CLCN2: variants seen among roughly 807,000 people sequenced by gnomAD.
The protein encoded by CLCN2 is chloride voltage-gated channel 2, also known as chloride channel protein 2.
Under a neutral mutation model 108.3 loss-of-function variants are expected in CLCN2, and 72 were observed. The ratio of observed to expected loss-of-function variants is 0.66; its 90% CI spans 0.55 to 0.81. The LOEUF (loss-of-function observed/expected upper bound fraction) is 0.81. Among genes scored for constraint, CLCN2 ranks in the 30% least tolerant of loss-of-function variants. The probability of loss-of-function intolerance (pLI) is 0.00; values close to 1 mark genes in which losing one functional copy is unlikely to be tolerated. For missense variants in CLCN2, 1,048 were observed against 1,205.2 expected, an observed-to-expected ratio of 0.87 and a Z score of 1.93; for synonymous variants, 471 against 467.1, an observed-to-expected ratio of 1.01 and a Z score of -0.11.
In CLCN2 at chr3:184,355,512, C is replaced by A. The variant is rs766683058; in HGVS notation, c.1188G>T (p.Thr396=). 1 of 1,614,072 alleles carries A rather than the reference C, an allele frequency of 6.2e-7. No homozygotes were observed. The highest frequency in any genetic ancestry group is 8.5e-7 in the Non-Finnish European group (1 of 1,180,026). The part of the protein sequence containing the change: ...FMAGQLSQKE[T]LVTLFDNRTW... ...TCCGATTGTCAAACAGGGTGACCAG[C>A]GTCTCTTTCTGTGAGAGCTAGAGTG... Residue 396 remains threonine, a synonymous_variant, in exon 12 of 24, where the codon ACG becomes ACT. Transcript: ENST00000265593. The surrounding 1 kb of genome is among the most constrained non-coding windows in gnomAD (Gnocchi z 6.3).
At chr3:184,358,583 G>A in intron 3 of CLCN2, 99 bp downstream of exon 3, 1 of 1,489,866 alleles carries the variant, frequency 6.7e-7, no homozygotes, top group Non-Finnish European at 9.1e-7. Context: ...AGTGGTCAGT[G>A]GCCAAGAAGC....
Position 184,357,952 on chromosome 3 carries a change from C to T in CLCN2, c.615+10G>A, listed in dbSNP as rs775999868. Reference sequence around the variant, plus strand: ...AGGAGGGACTCCTTCATTCCCCAGCCTGCAGTTACCTCTTTGCCAAGCGGC... The same window carrying T: ...AGGAGGGACTCCTTCATTCCCCAGCTTGCAGTTACCTCTTTGCCAAGCGGC... On this transcript the variant is annotated intron_variant, in intron 5 of 23. Transcript: ENST00000265593. 5.0e-6 allele frequency: 8 copies of T among 1,613,858 alleles called. No individual in the cohort carries two copies. The highest frequency in any genetic ancestry group is 5.9e-6 in the Non-Finnish European group (7 of 1,180,046).
rs1370261898 is a variant in CLCN2, at chr3:184,359,039, G to C, written c.156C>G (p.Pro52=). The change falls in exon 2 of 24, where the codon CCC becomes CCG. Residue 52 remains proline, a synonymous_variant. Transcript: ENST00000265593. ...GCTCTGGGGCAGCCCGAGAGGAAGG[G>C]GGACCTTTCCAGGGTTCAGGCCCTC... ...RLGGPEPWKG[P]PSSRAAPELL... is the part of the protein sequence containing the mutation. The C allele has an allele frequency of 1.2e-6, 2 of 1,613,630 alleles. No homozygotes were observed. The highest frequency in any genetic ancestry group is 1.3e-5 in the African/African-American group (1 of 75,062).
chr3:184,347,339 C>A, intron 22 of CLCN2: 1 of 426,728 alleles, frequency 2.3e-6, no homozygotes, highest in East Asian at 5.2e-5. Context: ...CACGTGAAAT[C>A]TAGTGATTGG....
chr3:184,361,435 C>A lies in CLCN2; in HGVS notation c.45G>T (p.Leu15=), dbSNP rs1424815875. Residue 15 remains leucine, a synonymous_variant, in exon 1 of 24, where the codon CTG becomes CTT. Transcript: ENST00000265593. The surrounding 1 kb of genome is among the most constrained non-coding windows in gnomAD (Gnocchi z 6.6). ...CACTTACCAGGGTCTGCTCGTACTG[C>A]AGCGCCCGTGGCTCCATCCCTTCCT... ...AAEEGMEPRA[L]QYEQTLMYGR... is the part of the protein sequence containing the mutation. 1.2e-6 allele frequency: 2 copies of A among 1,613,414 alleles called. No homozygotes were observed. The highest frequency in any genetic ancestry group is 1.7e-5 in the Admixed American group (1 of 60,012).
At chr3:184,349,836 G>A (rs549574039) in intron 22 of CLCN2, among the ~76,000 whole-genome samples, 193 of 152,294 alleles carry the variant, frequency 1.3e-3, no homozygotes, top group African/African-American at 4.5e-3. Context: ...CAGTTGGTCT[G>A]GCCCTAGCTG....
At chr3:184,358,385 G>C in intron 3 of CLCN2, 75 bp from the exon 4 acceptor site, 1 of 1,599,284 alleles carries the variant, frequency 6.3e-7, no homozygotes, top group Non-Finnish European at 8.6e-7. Context: ...ACGCTGATAC[G>C]ACAGGCTGTC....
In CLCN2 at chr3:184,347,093, C is replaced by T. The variant is rs930804657; in HGVS notation, c.2416-72G>A. 19 of 1,328,942 alleles carry T rather than the reference C, an allele frequency of 1.4e-5. No homozygotes were observed. In the Admixed American group the frequency reaches 1.7e-4, roughly 12 times the overall value. 82.3% of individuals were successfully genotyped at this position (1,328,942 alleles called of 1,614,324 possible). A position where few individuals can be genotyped will look rare whatever the true frequency, so the allele number is the denominator to read the frequency against. On this transcript the variant is annotated intron_variant, in intron 22 of 23. Coordinates refer to ENST00000265593, the MANE Select transcript of CLCN2 (RefSeq NM_004366.6). ...GCTCTAAATGACAGGCCACAGGGGC[C>T]CAGGACAAGGTTGGTGTGGAATAGG... is the stretch of plus-strand genomic sequence containing the variant.
At chr3:184,347,663 C>T (rs915339633) in intron 22 of CLCN2, 1 of 166,516 alleles carries the variant, frequency 6.0e-6, no homozygotes, top group Non-Finnish European at 1.3e-5. Context: ...TTTGGAGTCT[C>T]TCTCCCCTGC....
At position 184,355,288 on chromosome 3, in the gene CLCN2, G is replaced by A; in HGVS notation, c.1326+86C>T. ...AGTGCCTTTCCCATGGCACTGTGGAGAGGCTTCGAGGAGTGAGCACTGCGT... is the reference window on the plus strand; with the variant it reads ...AGTGCCTTTCCCATGGCACTGTGGAAAGGCTTCGAGGAGTGAGCACTGCGT... On this transcript the variant is annotated intron_variant, in intron 12 of 23. Coordinates refer to ENST00000265593, the MANE Select transcript of CLCN2 (RefSeq NM_004366.6). This position sits in a 1 kb window ranked among gnomAD's most constrained non-coding sequence, Gnocchi z 6.3. 7.0e-7 allele frequency: 1 copy of A among 1,429,882 alleles called. No homozygotes were observed. The highest frequency in any genetic ancestry group is 1.2e-5 in the South Asian group (1 of 86,944). 88.6% of individuals were successfully genotyped at this position (1,429,882 alleles called of 1,614,324 possible). A position where few individuals can be genotyped will look rare whatever the true frequency, so the allele number is the denominator to read the frequency against.
At chr3:184,350,013 T>G (rs1320689813) in intron 22 of CLCN2, among the ~76,000 whole-genome samples, 1 of 152,244 alleles carries the variant, frequency 6.6e-6, no homozygotes, top group Non-Finnish European at 1.5e-5. Context: ...GGCGACTACC[T>G]ATTGATTCCT....
chr3:184,361,294 A>G lies in CLCN2; in HGVS notation c.63+123T>C. On this transcript the variant is annotated intron_variant, in intron 1 of 23. Transcript: ENST00000265593. This position sits in a 1 kb window ranked among gnomAD's most constrained non-coding sequence, Gnocchi z 6.6. ...CTGCAGCCTCAGACTTCCAAGCCTCAGTTTCCCCAGCTCAAAATGCTAGGA... is the reference window on the plus strand; with the variant it reads ...CTGCAGCCTCAGACTTCCAAGCCTCGGTTTCCCCAGCTCAAAATGCTAGGA... 9.4e-7 allele frequency: 1 copy of G among 1,065,924 alleles called. No individual in the cohort carries two copies. The highest frequency in any genetic ancestry group is 1.3e-5 in the South Asian group (1 of 79,464). The allele number at this position is 1,065,924 out of a possible 1,614,324, so 66.0% of individuals were successfully genotyped here.
chr3:184,353,812 G>A lies in CLCN2; in HGVS notation c.1722-17C>T. 1 of 1,601,764 alleles carries A rather than the reference G, an allele frequency of 6.2e-7. No homozygotes were observed. Among genetic ancestry groups the A allele is most frequent in the South Asian group, 1.1e-5 (1 of 88,852 alleles). ...CGGTACTGCCTGGGGGCCGAGAGAGGCGCTTGGTTTGTGGTCAGCATGGGG... is the reference window on the plus strand; with the variant it reads ...CGGTACTGCCTGGGGGCCGAGAGAGACGCTTGGTTTGTGGTCAGCATGGGG... On this transcript the variant is annotated splice_polypyrimidine_tract_variant and intron_variant, in intron 15 of 23. Transcript: ENST00000265593.
At position 184,355,828 on chromosome 3, in the gene CLCN2, C is replaced by G; in HGVS notation, c.1086-50G>C. 2 of 1,469,548 alleles carry G rather than the reference C, an allele frequency of 1.4e-6. No homozygotes were observed. Among genetic ancestry groups the G allele is most frequent in the Non-Finnish European group, 9.5e-7 (1 of 1,053,032 alleles). 91.0% of individuals were successfully genotyped at this position (1,469,548 alleles called of 1,614,324 possible). ...TCGTGGGTGGCCAAGGGCTGGGTGG[C>G]CTCGCATATCTCAGGGCTGAGGTCA... On this transcript the variant is annotated intron_variant, in intron 10 of 23. Coordinates refer to ENST00000265593, the MANE Select transcript of CLCN2 (RefSeq NM_004366.6). This position sits in a 1 kb window ranked among gnomAD's most constrained non-coding sequence, Gnocchi z 6.3.
chr3:184,347,207 C>G, intron 22 of CLCN2, 186 bp from the exon 23 acceptor site: 1 of 658,466 alleles, frequency 1.5e-6, no homozygotes, highest in Non-Finnish European at 2.8e-6. Context: ...GTTTCTGTGT[C>G]CAGGCCTCAG....
chr3:184,354,847 G>T, intron 13 of CLCN2, 57 bp downstream of exon 13: 1 of 1,567,408 alleles, frequency 6.4e-7, no homozygotes, highest in Non-Finnish European at 8.8e-7. Flanking sequence ...TTGGCTGGGG[G>T]GGTGGCCAGA....
intron 18 of CLCN2, 27 bp from the exon 19 acceptor site, chr3:184,352,837 G>A (rs1243901782): frequency 1.2e-6 from 2 of 1,612,274 alleles, no homozygotes; most frequent in Admixed American, 1.7e-5. Context: ...AAGGCCCCAG[G>A]GGGCAATGTC....
chr3:184,354,363 A>G, intron 14 of CLCN2, 49 bp from the exon 15 acceptor site: 1 of 1,572,108 alleles, frequency 6.4e-7, no homozygotes, highest in South Asian at 1.1e-5. Context: ...GTCCCAGAAG[A>G]CCCTCCACAA....
At chr3:184,360,432 T>C (rs916772875) in intron 1 of CLCN2, among the ~76,000 whole-genome samples, 1 of 152,042 alleles carries the variant, frequency 6.6e-6, no homozygotes, top group Non-Finnish European at 1.5e-5. Flanking sequence ...GATTGGCAAG[T>C]GTCTCCTACC....
Sources: allele counts gnomAD v4.1 joint callset (sites outside exome capture counted in the v4.1 genomes callset), GRCh38; gene constraint gnomAD v4.1.1; non-coding constraint Gnocchi (gnomAD v3.1); transcripts MANE v1.5; gene names NCBI Gene and HGNC (gene_info 2026-07-23, HGNC 2026-07-21).